Variants in KCNK2 observed in about 807,000 individuals in gnomAD.
KCNK2 encodes the protein potassium two pore domain channel subfamily K member 2.
A neutral mutation model predicts 40.5 loss-of-function variants in KCNK2; 21 were observed. The ratio of observed to expected loss-of-function variants is 0.52; its 90% CI spans 0.37 to 0.75. The LOEUF is 0.75. KCNK2 is among the 30% of genes least tolerant of loss of function. The pLI is 0.00. For missense variants in KCNK2, 399 were observed against 531.6 expected, an observed-to-expected ratio of 0.75 and a Z score of 2.45; for synonymous variants, 191 against 202.2, an observed-to-expected ratio of 0.94 and a Z score of 0.47.
At chr1:215,145,304 A>T (rs922078282) in intron 3 of KCNK2, among the ~76,000 whole-genome samples, 2 of 152,240 alleles carry the variant, frequency 1.3e-5, no homozygotes, top group East Asian at 1.9e-4. Flanking sequence ...TGTTTTATAC[A>T]TGGGGAGACT....
At chr1:215,112,120 A>G (rs950047327) in intron 2 of KCNK2, among the ~76,000 whole-genome samples, 1 of 151,986 alleles carries the variant, frequency 6.6e-6, no homozygotes, top group African/African-American at 2.4e-5. Flanking sequence ...GGTCCTGTTA[A>G]TGCTGTTAGC....
intron 6 of KCNK2, among the ~76,000 whole-genome samples, chr1:215,208,366 G>T (rs534517681): frequency 6.6e-5 from 10 of 152,226 alleles, no homozygotes; most frequent in African/African-American, 2.4e-4. Context: ...GGGGGAGGGT[G>T]GGAGAAGGGA....
chr1:215,206,262 A>G (rs1665311196), intron 6 of KCNK2, among the ~76,000 whole-genome samples: 1 of 152,194 alleles, frequency 6.6e-6, no homozygotes, highest in Non-Finnish European at 1.5e-5. Context: ...CAAAAAATCA[A>G]TGCATATCAA....
chr1:215,208,134 A>G (rs1390071736), intron 6 of KCNK2, among the ~76,000 whole-genome samples: 1 of 152,218 alleles, frequency 6.6e-6, no homozygotes, highest in Non-Finnish European at 1.5e-5. Context: ...CTGCCCATCA[A>G]TGACAGAATG....
intron 1 of KCNK2, among the ~76,000 whole-genome samples, chr1:215,051,568 G>A (rs1657992023): frequency 6.6e-6 from 1 of 152,182 alleles, no homozygotes; most frequent in Non-Finnish European, 1.5e-5. Context: ...TGTCTATAAA[G>A]TAATTGATGA....
At chr1:215,230,555 C>A (rs1313485659) in intron 6 of KCNK2, among the ~76,000 whole-genome samples, 11 of 95,230 alleles carry the variant, frequency 1.2e-4, no homozygotes, top group Admixed American at 2.2e-4. Flanking sequence ...ACACACATAA[C>A]AGCCATATAT....
chr1:215,160,528 G>A (rs144734495), intron 3 of KCNK2, among the ~76,000 whole-genome samples: 7 of 152,270 alleles, frequency 4.6e-5, no homozygotes, highest in East Asian at 1.9e-4. Flanking sequence ...CACTTCTGAC[G>A]TCATTGATAC....
chr1:215,130,207 G>C (rs1661606095), intron 3 of KCNK2, among the ~76,000 whole-genome samples: 1 of 152,266 alleles, frequency 6.6e-6, no homozygotes, highest in Admixed American at 6.5e-5. Flanking sequence ...TAATCGTCAG[G>C]CCTACTTCAT....
At chr1:215,121,829 T>C (rs1235309468) in intron 2 of KCNK2, among the ~76,000 whole-genome samples, 1 of 152,236 alleles carries the variant, frequency 6.6e-6, no homozygotes, top group Admixed American at 6.5e-5. Context: ...TAATTATTTA[T>C]TGTAAAAATA....
At chr1:215,122,456 A>C (rs969286927) in intron 2 of KCNK2, among the ~76,000 whole-genome samples, 2 of 152,170 alleles carry the variant, frequency 1.3e-5, no homozygotes, top group Admixed American at 6.5e-5. Context: ...TTAGATGAAT[A>C]GAATTAGCTA....
chr1:215,081,129 T>C (rs1354732748), upstream of KCNK2, among the ~76,000 whole-genome samples: 3 of 151,700 alleles, frequency 2.0e-5, no homozygotes, highest in Middle Eastern at 3.4e-3. Context: ...GCCAATTCCT[T>C]AAAATAAATC....
chr1:215,185,564 T>A (rs925649410), intron 5 of KCNK2, among the ~76,000 whole-genome samples: 2 of 152,212 alleles, frequency 1.3e-5, no homozygotes, highest in Non-Finnish European at 2.9e-5. Context: ...GGGTACCTTA[T>A]GACTGTAAAA....
chr1:215,208,552 T>G (rs1009617138), intron 6 of KCNK2, among the ~76,000 whole-genome samples: 2 of 152,190 alleles, frequency 1.3e-5, no homozygotes, highest in Admixed American at 1.3e-4. Context: ...TTCTCACATC[T>G]TGCAGCTGTT....
intron 2 of KCNK2, among the ~76,000 whole-genome samples, 176 bp downstream of exon 2, chr1:215,086,854 T>C (rs1659467560): frequency 6.6e-6 from 1 of 152,220 alleles, no homozygotes; most frequent in Admixed American, 6.5e-5. Flanking sequence ...CCACTTCTCC[T>C]GCCTATATTC....
chr1:215,010,344 G>T (rs61819980), intron 1 of KCNK2, among the ~76,000 whole-genome samples: 1 of 151,984 alleles, frequency 6.6e-6, no homozygotes, highest in African/African-American at 2.4e-5. Context: ...TTAACATTAC[G>T]CATTCTGTAC....
intron 6 of KCNK2, among the ~76,000 whole-genome samples, chr1:215,213,653 TTAAA>T (rs1665835633): frequency 6.6e-6 from 1 of 152,112 alleles, no homozygotes; most frequent in African/African-American, 2.4e-5. Flanking sequence ...AAAATTACTA[TTAAA>T]TAAATTACTA....
intron 1 of KCNK2, chr1:215,006,005 A>T: frequency 3.4e-6 from 5 of 1,462,980 alleles, no homozygotes; most frequent in Non-Finnish European, 3.8e-6. Context: ...CAAATTTTCT[A>T]GAGTAGGCTG....
At chr1:215,139,158 C>G (rs774039908) in intron 3 of KCNK2, among the ~76,000 whole-genome samples, 1 of 152,118 alleles carries the variant, frequency 6.6e-6, no homozygotes, top group Non-Finnish European at 1.5e-5. Flanking sequence ...AAGTCTTCCT[C>G]CTGCAGCTGA....
At chr1:215,231,021 C>T (rs1322287259) in intron 6 of KCNK2, among the ~76,000 whole-genome samples, 1 of 152,150 alleles carries the variant, frequency 6.6e-6, no homozygotes, top group Non-Finnish European at 1.5e-5. Flanking sequence ...CTGGTAGAAG[C>T]ACTCGGCTCT....
Sources: gnomAD v4.1 joint callset for allele counts (sites outside exome capture counted in the v4.1 genomes callset) on GRCh38, gnomAD v4.1.1 for gene constraint, MANE v1.5 for transcripts, NCBI Gene and HGNC (gene_info 2026-07-23, HGNC 2026-07-21) for gene names.